The following OSBPL8 variants were observed in gnomAD, a reference collection of about 807,000 sequenced individuals.
OSBPL8 encodes oxysterol-binding protein-related protein 8.
OSBPL8 carries 59 observed loss-of-function variants against 125.5 expected under a neutral mutation model. The observed-to-expected ratio is 0.47, with a 90% CI of 0.38 to 0.58. The LOEUF (loss-of-function observed/expected upper bound fraction) is 0.58, where lower values mean the gene tolerates loss of function less well. Among genes scored for constraint, OSBPL8 ranks in the 20% least tolerant of loss-of-function variants. OSBPL8 has a pLI of 0.00. For missense variants in OSBPL8, 758 were observed against 1,047.8 expected (o/e 0.72, Z 3.82); for synonymous variants, 330 against 338.9 (o/e 0.97, Z 0.29).
chr12:76,548,090 A>C (rs1950830736), intron 1 of OSBPL8, among the ~76,000 whole-genome samples: 8 of 152,176 alleles, frequency 5.3e-5, no homozygotes, highest in Admixed American at 5.2e-4. Context: ...AGCTAGAAGA[A>C]GACTTCTAAT....
chr12:76,555,178 T>C (rs1438474121), intron 1 of OSBPL8, among the ~76,000 whole-genome samples: 1 of 152,186 alleles, frequency 6.6e-6, no homozygotes, highest in Non-Finnish European at 1.5e-5. Context: ...AGAAAACCCC[T>C]TATTTCATCA....
chr12:76,517,778 G>A (rs35508619), intron 1 of OSBPL8, among the ~76,000 whole-genome samples: 30,997 of 152,040 alleles, frequency 0.2, 3,401 homozygotes, highest in Non-Finnish European at 0.26. Flanking sequence ...GGGAATGGGC[G>A]CATCACATGG....
At chr12:76,510,568 C>T (rs1880869990) in intron 1 of OSBPL8, among the ~76,000 whole-genome samples, 1 of 152,128 alleles carries the variant, frequency 6.6e-6, no homozygotes, top group Admixed American at 6.5e-5. Flanking sequence ...TTTTGCAGGG[C>T]TCAAAACACA....
chr12:76,392,832 C>T, intron 9 of OSBPL8, 80 bp from the exon 10 acceptor site: 2 of 1,377,762 alleles, frequency 1.5e-6, no homozygotes, highest in Middle Eastern at 1.9e-4. Context: ...CCTGTTACCA[C>T]TATTTCTTTG....
intron 4 of OSBPL8, among the ~76,000 whole-genome samples, chr12:76,441,789 G>A (rs1367988078): frequency 6.6e-6 from 1 of 151,960 alleles, no homozygotes; most frequent in Non-Finnish European, 1.5e-5. Context: ...GCTGGGAAGA[G>A]TAGTGAGAGG....
intron 1 of OSBPL8, among the ~76,000 whole-genome samples, chr12:76,524,483 C>A (rs1051603726): frequency 6.6e-6 from 1 of 152,080 alleles, no homozygotes; most frequent in Non-Finnish European, 1.5e-5. Flanking sequence ...TTCCATACAC[C>A]ATCACTGATC....
intron 4 of OSBPL8, 28 bp from the exon 5 acceptor site, chr12:76,410,662 T>TTAC (rs1954476915): frequency 1.4e-6 from 2 of 1,447,308 alleles, no homozygotes; most frequent in Admixed American, 1.7e-5. Flanking sequence ...CATATCAGTA[T>TTAC]TACTACTTTT....
At chr12:76,550,587 G>T (rs1950908358) in intron 1 of OSBPL8, among the ~76,000 whole-genome samples, 1 of 152,130 alleles carries the variant, frequency 6.6e-6, no homozygotes, top group East Asian at 1.9e-4. Flanking sequence ...TAGCTGATGA[G>T]CTTTAAAAAA....
intron 9 of OSBPL8, among the ~76,000 whole-genome samples, chr12:76,394,035 C>T (rs1261486868): frequency 6.6e-6 from 1 of 151,656 alleles, no homozygotes; most frequent in African/African-American, 2.4e-5. Context: ...AAAAACAAAA[C>T]AAAACAAAAA....
intron 2 of OSBPL8, among the ~76,000 whole-genome samples, chr12:76,471,597 G>T (rs1004858847): frequency 6.6e-6 from 1 of 152,106 alleles, no homozygotes; most frequent in African/African-American, 2.4e-5. Context: ...CGATATCATA[G>T]AGAGCCTTCT....
chr12:76,410,513 C>G, intron 5 of OSBPL8, 51 bp downstream of exon 5: 1 of 1,370,830 alleles, frequency 7.3e-7, no homozygotes, highest in Non-Finnish European at 1.0e-6. Context: ...GTTCCCTCAT[C>G]TCAAATATTA....
chr12:76,503,299 G>C (rs1450648894), intron 1 of OSBPL8, among the ~76,000 whole-genome samples: 1 of 152,160 alleles, frequency 6.6e-6, no homozygotes, highest in Non-Finnish European at 1.5e-5. Flanking sequence ...TCCTTAGCTT[G>C]AGATGGCCAT....
intron 12 of OSBPL8, among the ~76,000 whole-genome samples, chr12:76,387,119 G>T (rs1174517900): frequency 6.6e-6 from 1 of 152,172 alleles, no homozygotes; most frequent in Non-Finnish European, 1.5e-5. Flanking sequence ...GTCACTGAAG[G>T]ACCAATATTT....
At chr12:76,480,635 A>C (rs1451953560) in intron 2 of OSBPL8, among the ~76,000 whole-genome samples, 1 of 152,238 alleles carries the variant, frequency 6.6e-6, no homozygotes, top group Non-Finnish European at 1.5e-5. Flanking sequence ...TTAACTTTAC[A>C]TAAGGAGATC....
chr12:76,391,573 G>T (rs1411021152), intron 10 of OSBPL8, among the ~76,000 whole-genome samples: 1 of 152,126 alleles, frequency 6.6e-6, no homozygotes. Context: ...AACATAGTGA[G>T]ACTATGTCTC....
chr12:76,489,025 C>T, intron 1 of OSBPL8, among the ~76,000 whole-genome samples: 1 of 152,156 alleles, frequency 6.6e-6, no homozygotes, highest in East Asian at 1.9e-4. Flanking sequence ...TGCTGATATA[C>T]AGCAAGTTTG....
intron 4 of OSBPL8, among the ~76,000 whole-genome samples, chr12:76,440,911 G>A (rs1432734179): frequency 1.3e-5 from 2 of 151,976 alleles, no homozygotes; most frequent in East Asian, 1.9e-4. Context: ...TGCCCCTCCT[G>A]TTAATTCCCT....
At chr12:76,458,995 T>A (rs1469068926) in intron 3 of OSBPL8, among the ~76,000 whole-genome samples, 1 of 152,204 alleles carries the variant, frequency 6.6e-6, no homozygotes, top group Non-Finnish European at 1.5e-5. Context: ...AAAATCTTCA[T>A]CTATGATGCA....
chr12:76,471,540 T>C (rs2136919493), intron 2 of OSBPL8, among the ~76,000 whole-genome samples: 1 of 152,346 alleles, frequency 6.6e-6, no homozygotes, highest in African/African-American at 2.4e-5. Flanking sequence ...TTACTGCTAC[T>C]ACCTGCCACC....
Sources: gnomAD v4.1 joint callset for allele counts (sites outside exome capture counted in the v4.1 genomes callset) on GRCh38, gnomAD v4.1.1 for gene constraint, MANE v1.5 for transcripts, NCBI Gene and HGNC (gene_info 2026-07-23, HGNC 2026-07-21) for gene names.